The following MCTP1 variants were observed in gnomAD, a reference collection of about 807,000 sequenced individuals.
The protein encoded by MCTP1 is multiple C2 and transmembrane domain-containing protein 1.
MCTP1 carries 69 observed loss-of-function variants against 120.6 expected under a neutral mutation model. The ratio of observed to expected loss-of-function variants is 0.57; its 90% confidence interval spans 0.47 to 0.70. The LOEUF (loss-of-function observed/expected upper bound fraction) is 0.70. Ranked by LOEUF, MCTP1 falls within the 30% of genes least tolerant of loss-of-function variation. The pLI, the probability that MCTP1 is intolerant of heterozygous loss-of-function variation, is 0.00. For synonymous variants in MCTP1, 529 were observed against 493.1 expected, an observed-to-expected ratio of 1.07 and a Z score of -0.96; for missense variants, 1,203 against 1,248.8, an observed-to-expected ratio of 0.96 and a Z score of 0.55.
chr5:94,772,729 G>T (rs1329639020), intron 19 of MCTP1, among the ~76,000 whole-genome samples: 2 of 152,086 alleles, frequency 1.3e-5, no homozygotes, highest in Admixed American at 1.3e-4. Context: ...TGGGGTGAAA[G>T]GTATATTCCC....
At chr5:94,936,853 A>T (rs1816321424) in intron 5 of MCTP1, among the ~76,000 whole-genome samples, 2 of 152,026 alleles carry the variant, frequency 1.3e-5, no homozygotes, top group Non-Finnish European at 2.9e-5. Flanking sequence ...TAGGATACTG[A>T]ATCCCAGCAG....
At chr5:95,027,720 C>T (rs532648861) in intron 1 of MCTP1, among the ~76,000 whole-genome samples, 2 of 152,320 alleles carry the variant, frequency 1.3e-5, no homozygotes, top group African/African-American at 4.8e-5. Flanking sequence ...TGAGGGTCCA[C>T]TGCTCCGTAC....
At chr5:95,279,468 A>C (rs1225933992) in intron 1 of MCTP1, among the ~76,000 whole-genome samples, 1 of 152,202 alleles carries the variant, frequency 6.6e-6, no homozygotes, top group Non-Finnish European at 1.5e-5. Flanking sequence ...AACATAGTTC[A>C]TATCCTAAAT....
In MCTP1 at chr5:94,785,048, A is replaced by G. The variant is rs1777378067; in HGVS notation, c.2557-5885T>C. ...CATCAACAGCAGTATTTGCTGTATA[A>G]TCTGGTTTGCCATAAGGTGCAAAGA... On this transcript the variant is annotated intron_variant, in intron 18 of 22. Coordinates refer to ENST00000515393, the MANE Select transcript of MCTP1 (RefSeq NM_024717.7). 1.3e-5 allele frequency among the ~76,000 whole-genome samples: 2 copies of G among 152,092 alleles called. 1 individual carries two copies. Among genetic ancestry groups the G allele is most frequent in the South Asian group, 4.1e-4 (2 of 4,828 alleles).
At chr5:95,098,594 A>G (rs1452247985) in intron 1 of MCTP1, among the ~76,000 whole-genome samples, 1 of 151,938 alleles carries the variant, frequency 6.6e-6, no homozygotes, top group Non-Finnish European at 1.5e-5. Context: ...AAGGAGAACT[A>G]CAAACCACTG....
At chr5:95,095,461 G>A (rs1307270988) in intron 1 of MCTP1, among the ~76,000 whole-genome samples, 2 of 152,224 alleles carry the variant, frequency 1.3e-5, no homozygotes, top group Non-Finnish European at 2.9e-5. Flanking sequence ...AACCAAGTTG[G>A]AAGGAAGAGA....
intron 2 of MCTP1, among the ~76,000 whole-genome samples, chr5:95,014,671 A>G (rs973428305): frequency 6.6e-6 from 1 of 152,150 alleles, no homozygotes; most frequent in African/African-American, 2.4e-5. Context: ...CCAGTATTAT[A>G]TTAAATTATT....
chr5:94,801,112 A>G (rs1306045770), intron 17 of MCTP1, among the ~76,000 whole-genome samples: 1 of 152,166 alleles, frequency 6.6e-6, no homozygotes, highest in Non-Finnish European at 1.5e-5. Flanking sequence ...ATTTTTGGCT[A>G]AAGTCCATAT....
rs186032677 is a variant in MCTP1, at chr5:94,741,757, A to C, written c.2611-26871T>G. Among the ~76,000 whole-genome samples, 299 of 152,366 alleles carry C rather than the reference A, an allele frequency of 2.0e-3. 1 individual carries two copies. The highest frequency in any genetic ancestry group is 6.5e-3 in the African/African-American group (270 of 41,592). ...ATGAGGAATTTCTGCCAAACAGCCT[A>C]TAAGAGCAGAATTCTGGGATAGCAG... On this transcript the variant is annotated intron_variant, in intron 19 of 22. Transcript: ENST00000515393.
At chr5:95,160,513 TA>T (rs1421306649) in intron 1 of MCTP1, among the ~76,000 whole-genome samples, 3 of 152,290 alleles carry the variant, frequency 2.0e-5, no homozygotes, top group Admixed American at 1.3e-4. Flanking sequence ...TTATTTCTTT[TA>T]ATTTTTATTA....
At chr5:95,042,695 T>C (rs996696203) in intron 1 of MCTP1, among the ~76,000 whole-genome samples, 7 of 152,200 alleles carry the variant, frequency 4.6e-5, no homozygotes, top group Non-Finnish European at 1.0e-4. Flanking sequence ...AACAGGCACA[T>C]ACCCTTTTAC....
chr5:94,844,478 G>A (rs1791874129), intron 17 of MCTP1, among the ~76,000 whole-genome samples: 2 of 151,968 alleles, frequency 1.3e-5, no homozygotes, highest in South Asian at 4.2e-4. Context: ...CATTTCATTT[G>A]TATTCATTTT....
At chr5:95,061,896 TGCCTCAGGTTAAAGA>T (rs1407921185) in intron 1 of MCTP1, among the ~76,000 whole-genome samples, 1 of 152,214 alleles carries the variant, frequency 6.6e-6, no homozygotes, top group Non-Finnish European at 1.5e-5. Context: ...CAGGCATATA[TGCCTCAGGTTAAAGA>T]GCTACAAGTG....
intron 19 of MCTP1, among the ~76,000 whole-genome samples, chr5:94,729,300 A>G (rs1319971501): frequency 6.6e-6 from 1 of 152,180 alleles, no homozygotes; most frequent in Non-Finnish European, 1.5e-5. Flanking sequence ...AGCCCAGATG[A>G]TGGTCACATG....
At chr5:94,778,876 T>G (rs145013984) in intron 19 of MCTP1, among the ~76,000 whole-genome samples, 1 of 152,316 alleles carries the variant, frequency 6.6e-6, no homozygotes, top group East Asian at 1.9e-4. Context: ...CTGAATTATT[T>G]TTTTGTTTGT....
intron 6 of MCTP1, among the ~76,000 whole-genome samples, chr5:94,928,209 A>AACACACAC (rs60502360): frequency 0.048 from 7,136 of 148,458 alleles, 188 homozygotes; most frequent in South Asian, 0.072. Context: ...TCTAGGTTAA[A>AACACACAC]ACACACACAC....
chr5:95,084,540 T>A (rs1434741602), intron 1 of MCTP1, among the ~76,000 whole-genome samples: 1 of 151,528 alleles, frequency 6.6e-6, no homozygotes, highest in Non-Finnish European at 1.5e-5. Flanking sequence ...TTGGGTGTTT[T>A]TTTTTTTTTT....
At chr5:94,923,808 C>T (rs1328327165) in intron 7 of MCTP1, among the ~76,000 whole-genome samples, 154 bp downstream of exon 7, 2 of 152,066 alleles carry the variant, frequency 1.3e-5, no homozygotes, top group African/African-American at 4.8e-5. Context: ...AAGTGAGTTA[C>T]CTAGATGACT....
intron 10 of MCTP1, among the ~76,000 whole-genome samples, chr5:94,900,457 G>A (rs1225000099): frequency 6.6e-6 from 1 of 152,230 alleles, no homozygotes; most frequent in East Asian, 1.9e-4. Context: ...CAGAGCCAGT[G>A]CTAGTGTGTA....
Sources: gnomAD v4.1 joint callset for allele counts (sites outside exome capture counted in the v4.1 genomes callset) on GRCh38, gnomAD v4.1.1 for gene constraint, MANE v1.5 for transcripts, NCBI Gene and HGNC (gene_info 2026-07-23, HGNC 2026-07-21) for gene names.